TMEM232: variants seen among roughly 807,000 people sequenced by gnomAD.
The protein encoded by TMEM232 is transmembrane protein 232.
TMEM232 carries 80 observed loss-of-function variants against 78.8 expected under a neutral mutation model. That is an observed-to-expected ratio of 1.01 (90% confidence interval 0.85 to 1.22). The LOEUF (loss-of-function observed/expected upper bound fraction) is 1.22, where lower values mean the gene tolerates loss of function less well. Among genes scored for constraint, TMEM232 ranks in the 50% most tolerant of loss-of-function variants. TMEM232 has a pLI of 0.00. For missense variants in TMEM232, 881 were observed against 742.2 expected (o/e 1.19, Z -2.17); for synonymous variants, 297 against 254.3 (o/e 1.17, Z -1.60).
chr5:110,633,713 CA>C (rs1785452063), intron 5 of TMEM232, among the ~76,000 whole-genome samples: 1 of 152,114 alleles, frequency 6.6e-6, no homozygotes, highest in African/African-American at 2.4e-5. Context: ...CCCAGCCACG[CA>C]GAACTGTGAG....
At chr5:110,630,008 A>G (rs1784920103) in intron 5 of TMEM232, among the ~76,000 whole-genome samples, 1 of 152,178 alleles carries the variant, frequency 6.6e-6, no homozygotes, top group African/African-American at 2.4e-5. Context: ...CGGGTGATGC[A>G]TCTTTGATAA....
chr5:110,649,862 C>G (rs1788055650), intron 2 of TMEM232, among the ~76,000 whole-genome samples: 1 of 152,044 alleles, frequency 6.6e-6, no homozygotes, highest in Non-Finnish European at 1.5e-5. Flanking sequence ...TGTGCACCAT[C>G]CCAGGAGCCA....
rs765185840 is a variant in TMEM232, at chr5:110,625,369, G to T, written c.666C>A (p.Ile222=). ...TACCTATAATTTCCGAGGCTTTCAG[G>T]ATGAATTGCACATTTGAAAAGATGT... The part of the protein sequence containing the change: ...YPNIFSNVQF[I]LKASEIIGKR... The change falls in exon 7 of 14, where the codon ATC becomes ATA. Residue 222 remains isoleucine, a synonymous_variant. Transcript: ENST00000455884. 10 of 1,547,538 alleles carry T rather than the reference G, an allele frequency of 6.5e-6. No individual in the cohort carries two copies.
chr5:110,667,615 T>A lies in TMEM232; in HGVS notation c.-12-251A>T, dbSNP rs190738249. On this transcript the variant is annotated intron_variant, in intron 1 of 13. Transcript: ENST00000455884. ...TTTAGCAGTTTTATCAGCAAAACCATTGAAACAGCAGCATGGCATGGTAGC... is the reference window on the plus strand; with the variant it reads ...TTTAGCAGTTTTATCAGCAAAACCAATGAAACAGCAGCATGGCATGGTAGC... 2.0e-3 allele frequency: 427 copies of A among 214,622 alleles called. 2 individuals carry two copies. Among genetic ancestry groups the A allele is most frequent in the African/African-American group, 9.0e-3 (389 of 43,286 alleles). The allele number at this position is 214,622 out of a possible 1,614,324, so 13.3% of individuals were successfully genotyped here.
intron 12 of TMEM232, among the ~76,000 whole-genome samples, chr5:110,489,989 T>C (rs556735968): frequency 2.6e-4 from 39 of 152,032 alleles, no homozygotes; most frequent in Admixed American, 7.2e-4. Flanking sequence ...CTGGGTGTGG[T>C]GGCGCGTGCC....
chr5:110,591,573 C>A (rs1049014302), intron 10 of TMEM232, among the ~76,000 whole-genome samples: 4 of 152,136 alleles, frequency 2.6e-5, no homozygotes, highest in African/African-American at 7.2e-5. Context: ...CTTTACCATG[C>A]ACTAGGTAAT....
At chr5:110,433,545 A>G (rs1758085803) in intron 12 of TMEM232, among the ~76,000 whole-genome samples, 1 of 151,782 alleles carries the variant, frequency 6.6e-6, no homozygotes, top group South Asian at 2.1e-4. Flanking sequence ...CTAACCTCAT[A>G]CCTATAAGAA....
chr5:110,666,476 T>C (rs1272555189), intron 2 of TMEM232, among the ~76,000 whole-genome samples: 1 of 152,154 alleles, frequency 6.6e-6, no homozygotes, highest in African/African-American at 2.4e-5. Flanking sequence ...TTTTCCTCTG[T>C]TTACCTACAT....
chr5:110,629,236 CT>C (rs1784812311), intron 5 of TMEM232, among the ~76,000 whole-genome samples: 1 of 151,608 alleles, frequency 6.6e-6, no homozygotes, highest in Admixed American at 6.6e-5. Flanking sequence ...GAGATAAATA[CT>C]GAAAAAAAAT....
chr5:110,535,322 T>C (rs1772179951), intron 11 of TMEM232, among the ~76,000 whole-genome samples: 1 of 152,096 alleles, frequency 6.6e-6, no homozygotes, highest in South Asian at 2.1e-4. Flanking sequence ...ACTGAGCACC[T>C]TGTGACCCTC....
chr5:110,727,107 T>G (rs1261971287), upstream of TMEM232, among the ~76,000 whole-genome samples: 1 of 152,168 alleles, frequency 6.6e-6, no homozygotes, highest in Non-Finnish European at 1.5e-5. Context: ...GCACCTAGAA[T>G]GTTCTGCTAT....
At chr5:110,655,880 G>A (rs919336251) in intron 2 of TMEM232, among the ~76,000 whole-genome samples, 2 of 134,000 alleles carry the variant, frequency 1.5e-5, no homozygotes, top group Non-Finnish European at 3.1e-5. Flanking sequence ...CACAGGAAGG[G>A]GAACATCACA....
At chr5:110,691,167 A>C (rs1794077429) in intron 1 of TMEM232, among the ~76,000 whole-genome samples, 1 of 152,084 alleles carries the variant, frequency 6.6e-6, no homozygotes, top group Non-Finnish European at 1.5e-5. Flanking sequence ...AAAGAAAGAA[A>C]GGAAGCTTTG....
chr5:110,408,591 AAAAAC>A (rs1265305311), intron 2 of TMEM232, among the ~76,000 whole-genome samples: 2 of 152,094 alleles, frequency 1.3e-5, no homozygotes, highest in Non-Finnish European at 2.9e-5. Flanking sequence ...CTCTGTCTCA[AAAAAC>A]AAAACAAAAC....
intron 13 of TMEM232, among the ~76,000 whole-genome samples, chr5:110,421,994 G>C (rs1245746613): frequency 6.6e-6 from 1 of 152,050 alleles, no homozygotes; most frequent in African/African-American, 2.4e-5. Context: ...GGGAAATTAA[G>C]GCAAAACCTC....
At chr5:110,532,857 A>T (rs960435904) in intron 11 of TMEM232, among the ~76,000 whole-genome samples, 2 of 152,142 alleles carry the variant, frequency 1.3e-5, no homozygotes. Context: ...CTTTGAAAGG[A>T]TTAAAGCCTG....
In TMEM232 at chr5:110,653,774, T is replaced by G. The variant is rs1788651510; in HGVS notation, c.126-11403A>C. ...GGGAGGAATCTGAGCAGATGATCTG[T>G]GCCATTCTGGGCATAGAGAGGATGA... On this transcript the variant is annotated intron_variant, in intron 2 of 13. Transcript: ENST00000455884. Among the ~76,000 whole-genome samples, 3 of 152,278 alleles carry G rather than the reference T, an allele frequency of 2.0e-5. 1 individual carries two copies. The South Asian group carries it at 6.2e-4, about 32-fold the overall frequency.
intron 12 of TMEM232, among the ~76,000 whole-genome samples, chr5:110,492,662 G>A (rs1369691163): frequency 6.6e-6 from 1 of 151,676 alleles, no homozygotes; most frequent in Non-Finnish European, 1.5e-5. Flanking sequence ...CCAAATATGT[G>A]GTGAGTCAAG....
intron 1 of TMEM232, among the ~76,000 whole-genome samples, chr5:110,723,592 G>C (rs1400731792): frequency 1.3e-5 from 2 of 152,102 alleles, no homozygotes; most frequent in African/African-American, 4.8e-5. Context: ...CATTACTTCT[G>C]TTTACACAAC....
Sources: gnomAD v4.1 joint callset for allele counts (sites outside exome capture counted in the v4.1 genomes callset) on GRCh38, gnomAD v4.1.1 for gene constraint, MANE v1.5 for transcripts, NCBI Gene and HGNC (gene_info 2026-07-23, HGNC 2026-07-21) for gene names.